Variants in AMPH observed in about 807,000 individuals in gnomAD.
AMPH encodes amphiphysin (Stiff-Mann syndrome with breast cancer 128kD autoantigen).
In AMPH, 49 loss-of-function variants were observed where a neutral mutation model predicts 99.1. The observed-to-expected ratio is 0.49, with a 90% CI of 0.39 to 0.63. The LOEUF is 0.63. Among genes scored for constraint, AMPH ranks in the 20% least tolerant of loss-of-function variants. The pLI, the probability that AMPH is intolerant of heterozygous loss-of-function variation, is 0.00. For missense variants in AMPH, 759 were observed against 863.4 expected, an observed-to-expected ratio of 0.88 and a Z score of 1.52; for synonymous variants, 314 against 317.3, an observed-to-expected ratio of 0.99 and a Z score of 0.11.
chr7:38,511,193 T>G (rs1253611321), intron 2 of AMPH, among the ~76,000 whole-genome samples: 4 of 152,170 alleles, frequency 2.6e-5, no homozygotes, highest in African/African-American at 9.7e-5. Flanking sequence ...GATAACACTA[T>G]TATCACTCAA....
At chr7:38,629,910 T>C (rs920095477) in intron 1 of AMPH, among the ~76,000 whole-genome samples, 2 of 152,134 alleles carry the variant, frequency 1.3e-5, no homozygotes, top group Non-Finnish European at 2.9e-5. Context: ...CTTGGGTAGA[T>C]ATTAAAAGAA....
chr7:38,537,725 A>C (rs1790667501), intron 1 of AMPH, among the ~76,000 whole-genome samples: 1 of 152,212 alleles, frequency 6.6e-6, no homozygotes, highest in Admixed American at 6.5e-5. Context: ...AAAGCATCTA[A>C]CGTAATCTCA....
intron 5 of AMPH, among the ~76,000 whole-genome samples, chr7:38,483,674 A>G (rs2129016900): frequency 6.6e-6 from 1 of 152,290 alleles, no homozygotes. Context: ...GTCTTCTCCT[A>G]TATGGAGCTA....
In AMPH at chr7:38,604,984, T is replaced by C. The variant is rs576244016; in HGVS notation, c.69+26299A>G. Among the ~76,000 whole-genome samples, 3 of 152,352 alleles carry C rather than the reference T, an allele frequency of 2.0e-5. No individual in the cohort carries two copies. The East Asian group carries it at 5.8e-4, about 29-fold the overall frequency. On this transcript the variant is annotated intron_variant, in intron 1 of 20. Transcript: ENST00000356264. Reference sequence around the variant, plus strand: ...TGACAAAGGATTAACAGGTGATTCATTTGGAAGTTAGTAAAGATTAATGAA... The same window carrying C: ...TGACAAAGGATTAACAGGTGATTCACTTGGAAGTTAGTAAAGATTAATGAA...
chr7:38,435,365 G>A (rs17171344), intron 12 of AMPH, among the ~76,000 whole-genome samples: 4,565 of 152,150 alleles, frequency 0.03, 205 homozygotes, highest in African/African-American at 0.1. Context: ...ATACCAAGAA[G>A]GCTTCAAGGC....
intron 5 of AMPH, among the ~76,000 whole-genome samples, chr7:38,490,592 C>A (rs1788680906): frequency 6.6e-6 from 1 of 152,108 alleles, no homozygotes; most frequent in Non-Finnish European, 1.5e-5. Context: ...GAGAGAAAAA[C>A]TATCCAGGTT....
intron 1 of AMPH, among the ~76,000 whole-genome samples, chr7:38,597,267 A>AAT (rs916188945): frequency 2.0e-5 from 3 of 152,094 alleles, no homozygotes; most frequent in Admixed American, 6.5e-5. Flanking sequence ...TGTATATATG[A>AAT]TTGTATTTCC....
chr7:38,473,073 C>A (rs1283231216), intron 7 of AMPH, among the ~76,000 whole-genome samples: 1 of 152,166 alleles, frequency 6.6e-6, no homozygotes, highest in African/African-American at 2.4e-5. Context: ...CTTGGCAATT[C>A]TGGCAATTTC....
At chr7:38,400,163 C>A (rs992738631) in intron 17 of AMPH, among the ~76,000 whole-genome samples, 1 of 152,100 alleles carries the variant, frequency 6.6e-6, no homozygotes, top group Non-Finnish European at 1.5e-5. Flanking sequence ...GCAACCTCCG[C>A]CCCCCAGGTT....
intron 1 of AMPH, among the ~76,000 whole-genome samples, chr7:38,537,451 A>G (rs1790655292): frequency 6.6e-6 from 1 of 152,224 alleles, no homozygotes; most frequent in Admixed American, 6.5e-5. Context: ...ATAAGCTTAT[A>G]CTGAGAAAAA....
At chr7:38,421,113 C>T in intron 16 of AMPH, 1 of 455,768 alleles carries the variant, frequency 2.2e-6, no homozygotes, top group Admixed American at 2.3e-5. Flanking sequence ...ATGTCTGCTT[C>T]AGAGAATACA....
chr7:38,501,295 A>G (rs1789126339), intron 3 of AMPH, among the ~76,000 whole-genome samples: 1 of 152,120 alleles, frequency 6.6e-6, no homozygotes, highest in Non-Finnish European at 1.5e-5. Flanking sequence ...GGTTCAAGCA[A>G]TTCTCCTGCC....
chr7:38,561,787 A>T (rs1186412444), intron 1 of AMPH, among the ~76,000 whole-genome samples: 23 of 152,168 alleles, frequency 1.5e-4, no homozygotes. Flanking sequence ...TAACGTCCTT[A>T]TAAGGAGAGG....
intron 1 of AMPH, among the ~76,000 whole-genome samples, chr7:38,631,020 A>T (rs1277244050): frequency 6.6e-6 from 1 of 152,088 alleles, no homozygotes; most frequent in Non-Finnish European, 1.5e-5. Flanking sequence ...CCGGCTCCGG[A>T]GCTGGACATA....
intron 2 of AMPH, among the ~76,000 whole-genome samples, chr7:38,522,207 A>G (rs1178950631): frequency 6.6e-6 from 1 of 152,218 alleles, no homozygotes; most frequent in Non-Finnish European, 1.5e-5. Flanking sequence ...ATTAAAGCCT[A>G]AAAAGCAAAC....
At chr7:38,512,959 G>A (rs1327764717) in intron 2 of AMPH, among the ~76,000 whole-genome samples, 4 of 152,146 alleles carry the variant, frequency 2.6e-5, no homozygotes, top group Non-Finnish European at 5.9e-5. Context: ...TGAGGAAAGA[G>A]GAGATTTATT....
At chr7:38,429,983 G>C (rs1785941488) in intron 13 of AMPH, 118 bp from the exon 14 acceptor site, 3 of 972,016 alleles carry the variant, frequency 3.1e-6, no homozygotes, top group Non-Finnish European at 4.4e-6. Context: ...TACTGGTTTA[G>C]GAACAAATTT....
chr7:38,408,566 C>T (rs1374458040), intron 17 of AMPH, among the ~76,000 whole-genome samples: 1 of 151,906 alleles, frequency 6.6e-6, no homozygotes, highest in Non-Finnish European at 1.5e-5. Context: ...TTGAGACCAT[C>T]CTGGCTAACA....
At chr7:38,448,594 C>T (rs1340363285) in intron 11 of AMPH, among the ~76,000 whole-genome samples, 1 of 152,190 alleles carries the variant, frequency 6.6e-6, no homozygotes, top group Non-Finnish European at 1.5e-5. Flanking sequence ...CTCTCGCTCG[C>T]TTGCTCTCTC....
Sources: allele counts gnomAD v4.1 joint callset (sites outside exome capture counted in the v4.1 genomes callset), GRCh38; gene constraint gnomAD v4.1.1; transcripts MANE v1.5; gene names NCBI Gene and HGNC (gene_info 2026-07-23, HGNC 2026-07-21).